FBXL17: variants seen among roughly 807,000 people sequenced by gnomAD.
FBXL17 encodes the protein F-box and leucine rich repeat protein 17.
A neutral mutation model predicts 66.2 loss-of-function variants in FBXL17; 22 were observed. The observed-to-expected ratio is 0.33, with a 90% CI of 0.24 to 0.47. The LOEUF is 0.47. FBXL17 is among the 20% of genes least tolerant of loss of function. The pLI is 1.00. For synonymous variants in FBXL17, 474 were observed against 400.5 expected (o/e 1.18, Z -2.19); for missense variants, 878 against 948.2 (o/e 0.93, Z 0.97).
intron 4 of FBXL17, among the ~76,000 whole-genome samples, chr5:108,263,863 C>T (rs1756935340): frequency 6.6e-6 from 1 of 152,154 alleles, no homozygotes; most frequent in African/African-American, 2.4e-5. Flanking sequence ...TTAGAACAAA[C>T]TACCCAATAT....
intron 8 of FBXL17, among the ~76,000 whole-genome samples, chr5:107,873,021 C>T (rs1386754528): frequency 6.6e-6 from 1 of 152,204 alleles, no homozygotes; most frequent in Non-Finnish European, 1.5e-5. Flanking sequence ...ACAGAGGCCA[C>T]TGCTGACCTT....
chr5:107,920,562 T>A (rs568615838), intron 7 of FBXL17, among the ~76,000 whole-genome samples: 123 of 152,304 alleles, frequency 8.1e-4, no homozygotes, highest in African/African-American at 2.9e-3. Flanking sequence ...CCTAACTCAA[T>A]ATGAATCTGA....
At chr5:108,196,631 G>A (rs1172837058) in intron 5 of FBXL17, among the ~76,000 whole-genome samples, 3 of 152,102 alleles carry the variant, frequency 2.0e-5, no homozygotes, top group Non-Finnish European at 2.9e-5. Flanking sequence ...TTTGAAATCA[G>A]GATCAAAACT....
chr5:108,095,555 A>T (rs286820), intron 6 of FBXL17, among the ~76,000 whole-genome samples: 6 of 151,986 alleles, frequency 3.9e-5, no homozygotes, highest in Admixed American at 6.5e-5. Context: ...AAAATATTTT[A>T]GAGCATCTGT....
At chr5:108,205,608 G>A (rs1035773022) in intron 5 of FBXL17, among the ~76,000 whole-genome samples, 1 of 152,090 alleles carries the variant, frequency 6.6e-6, no homozygotes, top group African/African-American at 2.4e-5. Context: ...TGGGTCATTT[G>A]CGTTAGACAA....
chr5:108,322,211 T>C (rs1298143459), intron 4 of FBXL17, among the ~76,000 whole-genome samples: 1 of 151,926 alleles, frequency 6.6e-6, no homozygotes, highest in African/African-American at 2.4e-5. Context: ...CTCCTACAAA[T>C]ACACCTAAAT....
chr5:108,281,566 C>T (rs1381943315), intron 4 of FBXL17, among the ~76,000 whole-genome samples: 1 of 151,668 alleles, frequency 6.6e-6, no homozygotes, highest in African/African-American at 2.4e-5. Context: ...GCATTAAATG[C>T]CTAGATCAAA....
In FBXL17 at chr5:108,068,183, C is replaced by T. The variant is rs113101884; in HGVS notation, c.1746-47182G>A. 9.1e-3 allele frequency among the ~76,000 whole-genome samples: 1,379 copies of T among 152,102 alleles called. 16 individuals carry two copies. Among genetic ancestry groups the T allele is most frequent in the African/African-American group, 0.025 (1,055 of 41,492 alleles). ...CTTAAAAAAACTTTGCCTTTTATTGCGTATATGAAATTATCACAAAGTTGT... is the reference window on the plus strand; with the variant it reads ...CTTAAAAAAACTTTGCCTTTTATTGTGTATATGAAATTATCACAAAGTTGT... On this transcript the variant is annotated intron_variant, in intron 6 of 8. Coordinates refer to ENST00000542267, the MANE Select transcript of FBXL17 (RefSeq NM_001163315.3).
At chr5:108,188,645 G>A (rs1397005402) in intron 5 of FBXL17, among the ~76,000 whole-genome samples, 2 of 152,132 alleles carry the variant, frequency 1.3e-5, no homozygotes, top group Non-Finnish European at 2.9e-5. Flanking sequence ...GACCTTTCTG[G>A]CTGTCTCAGC....
intron 8 of FBXL17, among the ~76,000 whole-genome samples, chr5:107,866,360 ATTG>A (rs1355791656): frequency 6.6e-6 from 1 of 152,212 alleles, no homozygotes; most frequent in Non-Finnish European, 1.5e-5. Context: ...CATTTTCAAA[ATTG>A]TTGTAACTCT....
At chr5:107,946,573 T>C (rs1371774940) in intron 7 of FBXL17, among the ~76,000 whole-genome samples, 3 of 151,464 alleles carry the variant, frequency 2.0e-5, no homozygotes, top group African/African-American at 7.3e-5. Context: ...TCCCAAAGTG[T>C]TGGGATTACA....
chr5:108,319,713 C>T (rs1292390838), intron 4 of FBXL17, among the ~76,000 whole-genome samples: 4 of 151,532 alleles, frequency 2.6e-5, no homozygotes, highest in Non-Finnish European at 4.4e-5. Flanking sequence ...AATAAAATGA[C>T]ATTTTTGATA....
chr5:107,929,552 A>C (rs1750657773), intron 7 of FBXL17, among the ~76,000 whole-genome samples: 1 of 152,194 alleles, frequency 6.6e-6, no homozygotes, highest in Admixed American at 6.5e-5. Flanking sequence ...AGAGTTTCTA[A>C]AAGCTTCAGG....
In FBXL17 at chr5:107,859,388, C is replaced by CTTTTT. The variant is rs1748057634; in HGVS notation, c.*2331_*2332insAAAAA. ...CACTCAAGGTGATGCTTTTTTCTGG[C>CTTTTT]TGTTTTTTTTTTTTTTTTTTTTTTT... On this transcript the variant is annotated 3_prime_UTR_variant, in exon 9 of 9. Transcript: ENST00000542267. 2.9e-5 allele frequency: 2 copies of CTTTTT among 68,460 alleles called. No homozygotes were observed. The highest frequency in any genetic ancestry group is 5.2e-5 in the African/African-American group (1 of 19,372). 4.2% of individuals were successfully genotyped at this position (68,460 alleles called of 1,614,324 possible).
At chr5:107,969,805 A>G (rs540810965) in intron 7 of FBXL17, among the ~76,000 whole-genome samples, 148 of 152,288 alleles carry the variant, frequency 9.7e-4, no homozygotes, top group African/African-American at 3.5e-3. Context: ...TTCTAACCCA[A>G]TTTGAACAGT....
At chr5:108,245,237 C>T (rs1188987654) in intron 4 of FBXL17, among the ~76,000 whole-genome samples, 2 of 152,148 alleles carry the variant, frequency 1.3e-5, no homozygotes, top group Middle Eastern at 3.4e-3. Flanking sequence ...CAAAAAGTCA[C>T]CTGTGTTTGT....
At chr5:108,093,070 CCT>C (rs1166948471) in intron 6 of FBXL17, among the ~76,000 whole-genome samples, 1 of 152,028 alleles carries the variant, frequency 6.6e-6, no homozygotes, top group Non-Finnish European at 1.5e-5. Context: ...CCTGTGCAGA[CCT>C]CTTTTTTCAC....
chr5:108,328,678 T>C (rs1759977757), intron 4 of FBXL17, among the ~76,000 whole-genome samples: 1 of 151,682 alleles, frequency 6.6e-6, no homozygotes, highest in African/African-American at 2.4e-5. Context: ...TACTTTTCTA[T>C]ATTATTAGAA....
chr5:107,953,328 AG>A (rs1300720158), intron 7 of FBXL17, among the ~76,000 whole-genome samples: 5 of 145,278 alleles, frequency 3.4e-5, no homozygotes, highest in African/African-American at 5.1e-5. Flanking sequence ...GCGTGAACCC[AG>A]GAAGTGGAGC....
Sources: allele counts gnomAD v4.1 joint callset (sites outside exome capture counted in the v4.1 genomes callset), GRCh38; gene constraint gnomAD v4.1.1; transcripts MANE v1.5; gene names NCBI Gene and HGNC (gene_info 2026-07-23, HGNC 2026-07-21).